Variants in ERI3 observed in about 807,000 individuals in gnomAD.
ERI3 encodes the protein ERI1 exoribonuclease family member 3, also known as ERI1 exoribonuclease 3.
A neutral mutation model predicts 44.4 loss-of-function variants in ERI3; 18 were observed. That is an observed-to-expected ratio of 0.41 (90% confidence interval 0.28 to 0.60). ERI3 has a LOEUF of 0.60. Ranked by LOEUF, ERI3 falls within the 20% of genes least tolerant of loss-of-function variation. The pLI is 0.36. For missense variants in ERI3, 294 were observed against 435.5 expected, an observed-to-expected ratio of 0.68 and a Z score of 2.89; for synonymous variants, 183 against 164.8, an observed-to-expected ratio of 1.11 and a Z score of -0.84.
intron 2 of ERI3, among the ~76,000 whole-genome samples, chr1:44,340,247 T>C (rs1413121441): frequency 6.6e-6 from 1 of 151,254 alleles, no homozygotes; most frequent in Non-Finnish European, 1.5e-5. Flanking sequence ...AATACAAAAA[T>C]CAAAGCCTAA....
Position 44,355,042 on chromosome 1 carries a change from T to A in ERI3, c.-16A>T. The A allele has an allele frequency of 7.3e-7, 1 of 1,373,968 alleles. No homozygotes were observed. The highest frequency in any genetic ancestry group is 2.0e-5 in the South Asian group (1 of 49,822). 85.1% of individuals were successfully genotyped at this position (1,373,968 alleles called of 1,614,324 possible). ...CTGTCGCCATGGCAACGCCCCCTCC[T>A]CGGGGCCAGCGCGGCAGGCTCCCTC... On this transcript the variant is annotated 5_prime_UTR_variant, in exon 1 of 9. Transcript: ENST00000372257.
At chr1:44,311,096 T>A (rs942892781) in intron 5 of ERI3, among the ~76,000 whole-genome samples, 12 of 149,830 alleles carry the variant, frequency 8.0e-5, no homozygotes, top group Admixed American at 2.0e-4. Context: ...TAAATCAGCA[T>A]AACCTCCCCC....
chr1:44,331,341 G>GCGT (rs1646424453), intron 3 of ERI3, among the ~76,000 whole-genome samples: 1 of 151,668 alleles, frequency 6.6e-6, no homozygotes, highest in East Asian at 1.9e-4. Flanking sequence ...TGAAGGGGAG[G>GCGT]CGTCATGTCA....
At position 44,309,658 on chromosome 1, in the gene ERI3, G is replaced by A. The variant is rs1002470003; in HGVS notation, c.667-1257C>T. 1.1e-4 allele frequency among the ~76,000 whole-genome samples: 17 copies of A among 151,764 alleles called. 2 individuals are homozygous for A. The highest frequency in any genetic ancestry group is 3.6e-4 in the African/African-American group (15 of 41,454). ...TGGCTCACTGCAAGCTCCGCCTCCC[G>A]GGTTCACGCCATTCTCCTGCCTCAG... is the stretch of plus-strand genomic sequence containing the variant. On this transcript the variant is annotated intron_variant, in intron 5 of 8. Coordinates refer to ENST00000372257, the MANE Select transcript of ERI3 (RefSeq NM_024066.3).
intron 7 of ERI3, among the ~76,000 whole-genome samples, chr1:44,280,540 G>T (rs954445879): frequency 1.3e-5 from 2 of 152,232 alleles, no homozygotes; most frequent in Non-Finnish European, 1.5e-5. Context: ...TTATCACAAC[G>T]ACTCGGAGAG....
chr1:44,323,810 A>C (rs532036899), intron 3 of ERI3, among the ~76,000 whole-genome samples: 21 of 152,340 alleles, frequency 1.4e-4, no homozygotes. Context: ...ACTGCTTGTG[A>C]GGGACAGAGC....
intron 4 of ERI3, among the ~76,000 whole-genome samples, chr1:44,318,429 C>G (rs1373358573): frequency 2.0e-5 from 3 of 152,172 alleles, no homozygotes; most frequent in African/African-American, 7.2e-5. Context: ...GATTAGCGCC[C>G]CCTGGTGGTA....
intron 7 of ERI3, among the ~76,000 whole-genome samples, chr1:44,271,845 T>C (rs1265463183): frequency 6.6e-6 from 1 of 152,186 alleles, no homozygotes; most frequent in African/African-American, 2.4e-5. Context: ...GGCATGCTGA[T>C]GGCAGCTGGA....
chr1:44,224,369 C>T (rs1643982508), intron 8 of ERI3, among the ~76,000 whole-genome samples: 1 of 152,216 alleles, frequency 6.6e-6, no homozygotes, highest in South Asian at 2.1e-4. Flanking sequence ...AACCCTCAAT[C>T]CCTGGACTCC....
At chr1:44,284,106 A>G (rs1290161067) in intron 7 of ERI3, 1 of 470,128 alleles carries the variant, frequency 2.1e-6, no homozygotes, top group East Asian at 7.0e-5. Flanking sequence ...GAGTCTCCCT[A>G]GTGGACTGGG....
chr1:44,283,175 A>C (rs1645323960), intron 7 of ERI3, among the ~76,000 whole-genome samples: 2 of 152,194 alleles, frequency 1.3e-5, no homozygotes, highest in Admixed American at 6.6e-5. Flanking sequence ...GTCCATGCCT[A>C]GCCCCACCAC....
chr1:44,290,210 T>A (rs541647973), intron 6 of ERI3, among the ~76,000 whole-genome samples: 124 of 152,278 alleles, frequency 8.1e-4, no homozygotes, highest in African/African-American at 2.9e-3. Context: ...CACATACTGT[T>A]CGCCTGCAGG....
chr1:44,249,120 G>A (rs536073017), intron 7 of ERI3, among the ~76,000 whole-genome samples: 16 of 152,266 alleles, frequency 1.1e-4, no homozygotes, highest in South Asian at 4.1e-4. Context: ...GGGCTTCTCC[G>A]GGTAGGCCTG....
chr1:44,321,038 C>T (rs1023949620), intron 3 of ERI3, among the ~76,000 whole-genome samples: 1 of 152,068 alleles, frequency 6.6e-6, no homozygotes, highest in Non-Finnish European at 1.5e-5. Context: ...AGAAGCAACA[C>T]GAAACGGATG....
rs772001579 is a variant in ERI3 at position 44,355,036 on chromosome 1, CCCT to C, written c.-13_-11del. 1.4e-6 allele frequency: 2 copies of C among 1,380,644 alleles called. No individual in the cohort carries two copies. 85.5% of individuals were successfully genotyped at this position (1,380,644 alleles called of 1,614,324 possible). A position where few individuals can be genotyped will look rare whatever the true frequency, so the allele number is the denominator to read the frequency against. ...GAGAGGCTGTCGCCATGGCAACGCC[CCCT>C]CCTCGGGGCCAGCGCGGCAGGCTCC... On this transcript the variant is annotated 5_prime_UTR_variant, in exon 1 of 9. Coordinates refer to ENST00000372257, the MANE Select transcript of ERI3 (RefSeq NM_024066.3).
Position 44,221,498 on chromosome 1 carries a change from G to C in ERI3, c.*60C>G, listed in dbSNP as rs766324498. ...CCCTCTTCCCCTCTGGTGAGGGAGA[G>C]GAGGATTCTGGGCTGGGCCAAACAG... On this transcript the variant is annotated 3_prime_UTR_variant, in exon 9 of 9. Transcript: ENST00000372257. The surrounding 1 kb of genome is among the most constrained non-coding windows in gnomAD (Gnocchi z 5.9). 15 of 1,350,332 alleles carry C rather than the reference G, an allele frequency of 1.1e-5. No individual in the cohort carries two copies. The South Asian group carries it at 1.6e-4, about 15-fold the overall frequency. The allele number at this position is 1,350,332 out of a possible 1,614,324, so 83.6% of individuals were successfully genotyped here. A position where few individuals can be genotyped will look rare whatever the true frequency, so the allele number is the denominator to read the frequency against.
chr1:44,281,878 ATGTG>A (rs10574197), intron 7 of ERI3, among the ~76,000 whole-genome samples: 5,509 of 126,912 alleles, frequency 0.043, 135 homozygotes, highest in African/African-American at 0.079. Context: ...ACATGTGCAT[ATGTG>A]TGTGTGTGTG....
At chr1:44,345,165 C>T (rs1453061532) in intron 2 of ERI3, among the ~76,000 whole-genome samples, 1 of 152,206 alleles carries the variant, frequency 6.6e-6, no homozygotes. Flanking sequence ...ACAGAGGAGT[C>T]GTTCTGGTGT....
intron 6 of ERI3, among the ~76,000 whole-genome samples, chr1:44,290,578 T>C (rs947504436): frequency 1.3e-5 from 2 of 152,152 alleles, no homozygotes; most frequent in Non-Finnish European, 1.5e-5. Context: ...GGGAGCCCTA[T>C]CTAGTCAGAG....
Sources: allele counts gnomAD v4.1 joint callset (sites outside exome capture counted in the v4.1 genomes callset), GRCh38; gene constraint gnomAD v4.1.1; non-coding constraint Gnocchi (gnomAD v3.1); transcripts MANE v1.5; gene names NCBI Gene and HGNC (gene_info 2026-07-23, HGNC 2026-07-21).